Variants in CWF19L2 observed in about 807,000 individuals in gnomAD.
The protein encoded by CWF19L2 is CWF19 like cell cycle control factor 2.
A neutral mutation model predicts 111.7 loss-of-function variants in CWF19L2; 98 were observed. The observed-to-expected ratio is 0.88, with a 90% CI of 0.75 to 1.04. The LOEUF (loss-of-function observed/expected upper bound fraction) is 1.04. CWF19L2 is among the 50% of genes least tolerant of loss of function. The pLI is 0.00. For synonymous variants in CWF19L2, 351 were observed against 342.9 expected, an observed-to-expected ratio of 1.02 and a Z score of -0.26; for missense variants, 1,101 against 1,051.4, an observed-to-expected ratio of 1.05 and a Z score of -0.65.
intron 14 of CWF19L2, among the ~76,000 whole-genome samples, chr11:107,339,190 A>G (rs1859970316): frequency 6.6e-6 from 1 of 152,154 alleles, no homozygotes; most frequent in Non-Finnish European, 1.5e-5. Flanking sequence ...CATTGCTGGG[A>G]GTATTCCTGA....
intron 10 of CWF19L2, 79 bp downstream of exon 10, chr11:107,416,130 T>A: frequency 2.8e-6 from 1 of 359,914 alleles, no homozygotes; most frequent in Non-Finnish European, 4.7e-6. Flanking sequence ...AAAAATAAAA[T>A]AAAATAAAAT....
intron 8 of CWF19L2, among the ~76,000 whole-genome samples, chr11:107,428,199 C>A (rs1266651856): frequency 6.6e-6 from 1 of 152,012 alleles, no homozygotes; most frequent in African/African-American, 2.4e-5. Flanking sequence ...ATCTTCTAAC[C>A]CAGCCCTACA....
At chr11:107,427,493 A>G (rs1462075156) in intron 8 of CWF19L2, among the ~76,000 whole-genome samples, 3 of 152,114 alleles carry the variant, frequency 2.0e-5, no homozygotes, top group Non-Finnish European at 4.4e-5. Flanking sequence ...TACAACTTAA[A>G]TAAGACATAC....
At chr11:107,363,485 T>G (rs1170666795) in intron 12 of CWF19L2, among the ~76,000 whole-genome samples, 1 of 151,000 alleles carries the variant, frequency 6.6e-6, no homozygotes, top group Non-Finnish European at 1.5e-5. Flanking sequence ...AGGCAGAAAC[T>G]CTACAAGCCA....
intron 3 of CWF19L2, among the ~76,000 whole-genome samples, chr11:107,451,664 A>G (rs930785144): frequency 6.6e-5 from 10 of 152,206 alleles, no homozygotes; most frequent in Non-Finnish European, 1.5e-5. Context: ...AAATAACTTT[A>G]TGACAATAAA....
At chr11:107,353,452 T>C in intron 13 of CWF19L2, 72 bp downstream of exon 13, 1 of 1,126,034 alleles carries the variant, frequency 8.9e-7, no homozygotes, top group Non-Finnish European at 1.3e-6. Context: ...AATAAACTTA[T>C]TCAAGTTATT....
intron 12 of CWF19L2, among the ~76,000 whole-genome samples, chr11:107,374,553 T>C (rs1286095219): frequency 4.7e-4 from 63 of 133,546 alleles, no homozygotes; most frequent in African/African-American, 1.9e-3. Flanking sequence ...TAAAATACTT[T>C]ACAGACAAGC....
intron 10 of CWF19L2, among the ~76,000 whole-genome samples, chr11:107,407,768 T>C (rs1861101234): frequency 6.6e-6 from 1 of 151,928 alleles, no homozygotes; most frequent in South Asian, 2.1e-4. Context: ...AAATATATAA[T>C]CATAACTATC....
chr11:107,345,499 T>G (rs76831212), intron 14 of CWF19L2: 55 of 461,132 alleles, frequency 1.2e-4, no homozygotes, highest in Admixed American at 7.6e-4. Context: ...ATCTGGAGAA[T>G]AGTGAAGAAG....
intron 3 of CWF19L2, among the ~76,000 whole-genome samples, chr11:107,445,022 T>C (rs1253241762): frequency 1.3e-5 from 2 of 151,866 alleles, no homozygotes; most frequent in African/African-American, 4.8e-5. Context: ...AACTAAGAAA[T>C]GGGAAGGCAT....
chr11:107,357,947 C>T (rs746740648), intron 12 of CWF19L2, among the ~76,000 whole-genome samples: 1 of 152,076 alleles, frequency 6.6e-6, no homozygotes, highest in Non-Finnish European at 1.5e-5. Context: ...TGAAAATATG[C>T]CTCTTCATCA....
chr11:107,423,205 T>C (rs977381791), intron 8 of CWF19L2, among the ~76,000 whole-genome samples: 2 of 151,998 alleles, frequency 1.3e-5, no homozygotes, highest in Non-Finnish European at 2.9e-5. Flanking sequence ...GTATTGCAAA[T>C]GTAATTTACC....
At chr11:107,433,409 AT>A (rs979584463) in intron 7 of CWF19L2, among the ~76,000 whole-genome samples, 4 of 152,164 alleles carry the variant, frequency 2.6e-5, no homozygotes, top group African/African-American at 9.7e-5. Flanking sequence ...TTTTTTTTAC[AT>A]TAAACACACC....
chr11:107,453,023 G>A (rs1384425612), intron 3 of CWF19L2, among the ~76,000 whole-genome samples: 1 of 151,970 alleles, frequency 6.6e-6, no homozygotes, highest in Admixed American at 6.5e-5. Context: ...CATAAACATA[G>A]GAGAAATCAC....
chr11:107,382,417 T>C (rs941029739), intron 12 of CWF19L2, among the ~76,000 whole-genome samples: 1 of 152,184 alleles, frequency 6.6e-6, no homozygotes, highest in African/African-American at 2.4e-5. Context: ...TAGCCTTGCG[T>C]TAAGTCATTT....
At chr11:107,410,073 A>G (rs979984509) in intron 10 of CWF19L2, among the ~76,000 whole-genome samples, 1 of 152,142 alleles carries the variant, frequency 6.6e-6, no homozygotes, top group African/African-American at 2.4e-5. Flanking sequence ...AGATATGTGA[A>G]TGAAGAGATT....
chr11:107,429,674 C>T (rs186482949), intron 7 of CWF19L2, among the ~76,000 whole-genome samples: 3 of 151,908 alleles, frequency 2.0e-5, no homozygotes, highest in African/African-American at 7.3e-5. Context: ...AAAAGGATAG[C>T]CAGTTACACC....
At chr11:107,427,816 G>T (rs1290307592) in intron 8 of CWF19L2, among the ~76,000 whole-genome samples, 1 of 152,066 alleles carries the variant, frequency 6.6e-6, no homozygotes, top group African/African-American at 2.4e-5. Context: ...AAGCCCTGAT[G>T]TGAACCAGAG....
chr11:107,430,151 G>T (rs111619880), intron 7 of CWF19L2, among the ~76,000 whole-genome samples: 2 of 151,526 alleles, frequency 1.3e-5, no homozygotes, highest in Admixed American at 1.3e-4. Context: ...AGCCTTGGGT[G>T]GGGGAGAAAG....
Sources: gnomAD v4.1 joint callset for allele counts (sites outside exome capture counted in the v4.1 genomes callset) on GRCh38, gnomAD v4.1.1 for gene constraint, MANE v1.5 for transcripts, NCBI Gene and HGNC (gene_info 2026-07-23, HGNC 2026-07-21) for gene names.